NAV1: variants seen among roughly 807,000 people sequenced by gnomAD.
NAV1 encodes the protein neuron navigator 1.
Under a neutral mutation model 175.2 loss-of-function variants are expected in NAV1, and 18 were observed. The ratio of observed to expected loss-of-function variants is 0.10; its 90% CI spans 0.07 to 0.15. NAV1 has a LOEUF of 0.15. NAV1 is among the 10% of genes least tolerant of loss of function. The pLI, the probability that NAV1 is intolerant of heterozygous loss-of-function variation, is 1.00. For synonymous variants in NAV1, 897 were observed against 978.7 expected (o/e 0.92, Z 1.56); for missense variants, 1,731 against 2,436.6 (o/e 0.71, Z 6.10).
At chr1:201,624,468 C>T (rs970541084) in intron 1 of NAV1, among the ~76,000 whole-genome samples, 1 of 151,244 alleles carries the variant, frequency 6.6e-6, no homozygotes, top group Non-Finnish European at 1.5e-5. Flanking sequence ...CTCAGCCTCC[C>T]AAGTAGCTGG....
At chr1:201,603,442 AC>A (rs1667579439) in intron 2 of NAV1, among the ~76,000 whole-genome samples, 1 of 152,216 alleles carries the variant, frequency 6.6e-6, no homozygotes, top group Non-Finnish European at 1.5e-5. Flanking sequence ...GGGTCAGGAC[AC>A]CCTACTGCCC....
intron 1 of NAV1, among the ~76,000 whole-genome samples, chr1:201,579,451 G>T (rs1666784788): frequency 6.6e-6 from 1 of 152,076 alleles, no homozygotes; most frequent in African/African-American, 2.4e-5. Flanking sequence ...TGCCTCCTGG[G>T]TTCAAGCAAT....
chr1:201,756,818 T>TTCTTTCTTTC lies in NAV1; in HGVS notation c.1227-23601_1227-23592dup, dbSNP rs1558131365. 9.0e-3 allele frequency among the ~76,000 whole-genome samples: 89 copies of TTCTTTCTTTC among 9,890 alleles called. 2 individuals carry two copies. The highest frequency in any genetic ancestry group is 0.036 in the Admixed American group (36 of 1,012). The allele number at this position is 9,890 out of a possible 152,430, so 6.5% of individuals were successfully genotyped here. Reference sequence around the variant, plus strand: ...TCTCTTTCTTTCTTTCCTTCTTTCTTTCTTTCTTTCTTTCTTTCTTTCTTT... The same window carrying TTCTTTCTTTC: ...TCTCTTTCTTTCTTTCCTTCTTTCTTTCTTTCTTTCTCTTTCTTTCTTTCTTTCTTTCTTT... On this transcript the variant is annotated intron_variant, in intron 3 of 29. Coordinates refer to ENST00000367296, the Ensembl canonical transcript of NAV1.
intron 3 of NAV1, among the ~76,000 whole-genome samples, chr1:201,749,632 G>A (rs933860842): frequency 6.6e-6 from 1 of 152,192 alleles, no homozygotes; most frequent in Non-Finnish European, 1.5e-5. Flanking sequence ...ATAAATTGAT[G>A]AAATATGAGC....
chr1:201,549,091 C>CTT (rs1553236485), intron 1 of NAV1, among the ~76,000 whole-genome samples: 6 of 128,562 alleles, frequency 4.7e-5, no homozygotes, highest in African/African-American at 1.6e-4. Context: ...TTCTTTCTTT[C>CTT]TTTCTTTCTT....
chr1:201,644,837 G>A (rs543971385), upstream of NAV1, among the ~76,000 whole-genome samples: 6 of 152,308 alleles, frequency 3.9e-5, no homozygotes, highest in African/African-American at 1.4e-4. Flanking sequence ...GAGAGCATGA[G>A]ACAAGGTACA....
intron 1 of NAV1, among the ~76,000 whole-genome samples, chr1:201,674,707 TG>T (rs983289562): frequency 3.9e-5 from 6 of 151,922 alleles, no homozygotes; most frequent in Admixed American, 3.9e-4. Flanking sequence ...GAGAGAGTTG[TG>T]GGGGTAAGTG....
At chr1:201,686,618 A>G (rs481966) in intron 1 of NAV1, among the ~76,000 whole-genome samples, 126,690 of 152,200 alleles carry the variant, frequency 0.83, 52,894 homozygotes, top group East Asian at 0.93. Context: ...TTGTTTCAAG[A>G]TTGCATTGAT....
At chr1:201,637,487 G>T (rs1317618986) in intron 2 of NAV1, among the ~76,000 whole-genome samples, 1 of 152,154 alleles carries the variant, frequency 6.6e-6, no homozygotes, top group South Asian at 2.1e-4. Context: ...TGTTGACAAG[G>T]TCACCACAGG....
intron 3 of NAV1, among the ~76,000 whole-genome samples, chr1:201,720,861 G>A (rs1351478337): frequency 6.6e-6 from 1 of 151,998 alleles, no homozygotes; most frequent in Admixed American, 6.6e-5. Flanking sequence ...ACCGTCAGGG[G>A]TGTGTAGTCT....
chr1:201,637,404 C>A (rs1668642285), intron 2 of NAV1, among the ~76,000 whole-genome samples: 1 of 152,158 alleles, frequency 6.6e-6, no homozygotes, highest in South Asian at 2.1e-4. Flanking sequence ...ATGGCTGGTA[C>A]TGTGGACCTC....
rs1672226645 is a variant in NAV1 at position 201,718,390 on chromosome 1, C to T, written c.861C>T (p.Ser287=). The change falls in exon 3 of 30, where the codon AGC becomes AGT. Residue 287 remains serine, a splice_region_variant and synonymous_variant. Transcript: ENST00000367296. This position sits in a 1 kb window ranked among gnomAD's most constrained non-coding sequence, Gnocchi z 4.8. ...GTAGTGCCTTCTGCTCTCCACCCAG[C>T]TCCCTGGAGATGACCTGCTACGACA... The T allele has an allele frequency of 3.3e-6, 5 of 1,534,748 alleles. No individual in the cohort carries two copies. Among genetic ancestry groups the T allele is most frequent in the Non-Finnish European group, 4.4e-6 (5 of 1,136,058 alleles).
At chr1:201,647,442 C>G (rs1669011065), upstream of NAV1, among the ~76,000 whole-genome samples, 1 of 152,218 alleles carries the variant, frequency 6.6e-6, no homozygotes, top group Admixed American at 6.5e-5. Context: ...AGTTCCAAAG[C>G]CCTTCTACCT....
intron 3 of NAV1, among the ~76,000 whole-genome samples, chr1:201,771,534 A>T (rs1339937198): frequency 6.7e-6 from 1 of 149,866 alleles, no homozygotes; most frequent in Non-Finnish European, 1.5e-5. Context: ...TGGTGAACTG[A>T]CCTATAACAG....
chr1:201,623,028 G>A, exon 1 of NAV1: 1 of 985,986 alleles, frequency 1.0e-6, no homozygotes, highest in Non-Finnish European at 1.2e-6. Context: ...GCCTGGCCCT[G>A]AGCCCACAGA....
intron 13 of NAV1, 126 bp downstream of exon 17, chr1:201,790,892 T>G (rs1677071869): frequency 1.3e-6 from 1 of 783,036 alleles, no homozygotes; most frequent in Admixed American, 2.5e-5. Flanking sequence ...GCATGCGTCT[T>G]CTTCACAGCT....
chr1:201,734,023 A>G (rs1282957396), intron 3 of NAV1, among the ~76,000 whole-genome samples: 1 of 152,174 alleles, frequency 6.6e-6, no homozygotes, highest in Non-Finnish European at 1.5e-5. Context: ...GAAGCATGGA[A>G]GGGAGACTGC....
In NAV1 at chr1:201,714,747, T is replaced by G. The variant is rs541286839; in HGVS notation, c.860+1828T>G. 4.6e-5 allele frequency among the ~76,000 whole-genome samples: 7 copies of G among 152,288 alleles called. No individual in the cohort carries two copies. The South Asian group carries it at 6.2e-4, about 14-fold the overall frequency. ...AGCACCAAGTCACCCACCAGCCTCA[T>G]GCCAAAGACACCAGAAAGTGCTTAG... is the stretch of plus-strand genomic sequence containing the variant. On this transcript the variant is annotated intron_variant, in intron 2 of 29. Transcript: ENST00000367296.
At chr1:201,639,858 A>G (rs1483180875) in intron 2 of NAV1, among the ~76,000 whole-genome samples, 1 of 152,130 alleles carries the variant, frequency 6.6e-6, no homozygotes, top group Non-Finnish European at 1.5e-5. Flanking sequence ...TTGTGTGACT[A>G]GAGGTGACTT....
Sources: gnomAD v4.1 joint callset for allele counts (sites outside exome capture counted in the v4.1 genomes callset) on GRCh38, gnomAD v4.1.1 for gene constraint, Gnocchi (gnomAD v3.1) non-coding constraint, MANE v1.5 for transcripts, NCBI Gene and HGNC (gene_info 2026-07-23, HGNC 2026-07-21) for gene names.